Variants in CASP2 observed in about 807,000 individuals in gnomAD.
CASP2 encodes caspase-2.
CASP2 carries 38 observed loss-of-function variants against 54.4 expected under a neutral mutation model. The observed-to-expected ratio is 0.70, with a 90% CI of 0.54 to 0.92. The LOEUF (loss-of-function observed/expected upper bound fraction) is 0.92. Among genes scored for constraint, CASP2 ranks in the 40% least tolerant of loss-of-function variants. The pLI is 0.00. For missense variants in CASP2, 512 were observed against 579.6 expected (o/e 0.88, Z 1.20); for synonymous variants, 215 against 216.3 (o/e 0.99, Z 0.05).
At chr7:143,302,282 A>C (rs1192217400) in intron 8 of CASP2, 1 of 152,156 alleles carries the variant, frequency 6.6e-6, no homozygotes, top group African/African-American at 2.4e-5. Context: ...ATATCCAGGG[A>C]TTTAATACAC....
intron 8 of CASP2, chr7:143,302,303 G>A (rs1280498746): frequency 1.3e-5 from 2 of 152,146 alleles, no homozygotes; most frequent in Non-Finnish European, 2.9e-5. Flanking sequence ...TATTGGATCT[G>A]GATAAGGAGT....
intron 2 of CASP2, among the ~76,000 whole-genome samples, chr7:143,291,995 G>T (rs925848989): frequency 7.2e-5 from 11 of 151,996 alleles, no homozygotes; most frequent in African/African-American, 2.7e-4. Context: ...AGCCAGGAGG[G>T]TGTCGATCTC....
intron 1 of CASP2, 115 bp from the exon 2 acceptor site, chr7:143,291,425 A>G: frequency 9.8e-7 from 1 of 1,021,064 alleles, no homozygotes; most frequent in Admixed American, 1.7e-5. Flanking sequence ...AATATGCATA[A>G]TCTTGGTTAT....
chr7:143,294,823 C>T, intron 6 of CASP2, 50 bp downstream of exon 6: 1 of 1,495,952 alleles, frequency 6.7e-7, no homozygotes, highest in Non-Finnish European at 9.3e-7. Context: ...CTGAACAACA[C>T]TTTGGGACCA....
rs1802090233 is a variant in CASP2, at chr7:143,307,249, T to C, written c.*2178T>C. Reference sequence around the variant, plus strand: ...ATGAGGGCAGAAACCTTGTTTGTTTTATTCACCATCATGTACCAAGTGCTT... The same window carrying C: ...ATGAGGGCAGAAACCTTGTTTGTTTCATTCACCATCATGTACCAAGTGCTT... On this transcript the variant is annotated 3_prime_UTR_variant, in exon 11 of 11. Coordinates refer to ENST00000310447, the MANE Select transcript of CASP2 (RefSeq NM_032982.4). 1 of 152,254 alleles carries C rather than the reference T, an allele frequency of 6.6e-6. No individual in the cohort carries two copies. Among genetic ancestry groups the C allele is most frequent in the Admixed American group, 6.5e-5 (1 of 15,284 alleles). 9.4% of individuals were successfully genotyped at this position (152,254 alleles called of 1,614,324 possible).
chr7:143,303,116 A>G (rs947456691), intron 8 of CASP2: 7 of 152,202 alleles, frequency 4.6e-5, no homozygotes, highest in African/African-American at 1.7e-4. Flanking sequence ...AAAGAAAAAA[A>G]AAGATTTAAA....
chr7:143,295,006 A>G (rs976719746), intron 6 of CASP2, among the ~76,000 whole-genome samples: 2 of 151,822 alleles, frequency 1.3e-5, no homozygotes, highest in Admixed American at 1.3e-4. Context: ...TAAAGTAATA[A>G]TAGTCCACAG....
At chr7:143,303,639 T>TTTTA in intron 8 of CASP2, 145 bp from the exon 9 acceptor site, 1 of 622,840 alleles carries the variant, frequency 1.6e-6, no homozygotes, top group Non-Finnish European at 2.8e-6. Flanking sequence ...TTTTTTTTTT[T>TTTTA]AGTTTATCAG....
chr7:143,300,459 A>G, intron 8 of CASP2, 165 bp downstream of exon 8: 2 of 1,595,426 alleles, frequency 1.3e-6, no homozygotes, highest in Admixed American at 1.7e-5. Context: ...CTCCCAATGC[A>G]TGGGGTGTGC....
intron 8 of CASP2, chr7:143,303,566 G>T (rs900891815): frequency 2.1e-6 from 1 of 487,712 alleles, no homozygotes. Context: ...TGAGCGTGGT[G>T]CCCGGTGTGT....
intron 8 of CASP2, 125 bp from the exon 9 acceptor site, chr7:143,303,659 G>A: frequency 2.7e-6 from 2 of 753,752 alleles, no homozygotes; most frequent in Non-Finnish European, 4.6e-6. Flanking sequence ...GCCATAGGTT[G>A]GAGGCAACAG....
intron 6 of CASP2, among the ~76,000 whole-genome samples, chr7:143,295,243 G>T (rs1332705709): frequency 6.6e-6 from 1 of 152,150 alleles, no homozygotes; most frequent in African/African-American, 2.4e-5. Context: ...GGCCAGGCTG[G>T]TCTCAAACTC....
chr7:143,300,929 G>T lies in CASP2; in HGVS notation c.967+635G>T, dbSNP rs1801899372. ...GACGAGGATTAAAAGACACATAGGT[G>T]TGCTTCTCATCCTGGAGGAAAATAA... On this transcript the variant is annotated intron_variant, in intron 8 of 10. Transcript: ENST00000310447. 3.0e-6 allele frequency: 3 copies of T among 1,010,232 alleles called. No homozygotes were observed. In the South Asian group the frequency reaches 1.2e-4, roughly 40 times the overall value. The allele number at this position is 1,010,232 out of a possible 1,614,324, so 62.6% of individuals were successfully genotyped here.
At chr7:143,288,656 C>A in intron 1 of CASP2, 127 bp downstream of exon 1, 2 of 907,118 alleles carry the variant, frequency 2.2e-6, no homozygotes, top group South Asian at 1.6e-5. Flanking sequence ...GCGCTTCCTG[C>A]CAAGGGTGGG....
chr7:143,292,253 T>C (rs2116767273), intron 2 of CASP2, 47 bp from the exon 3 acceptor site: 1 of 1,591,200 alleles, frequency 6.3e-7, no homozygotes, highest in Non-Finnish European at 8.6e-7. Flanking sequence ...AATAGAATTA[T>C]AGCTAGAGAA....
chr7:143,294,122 C>G, intron 4 of CASP2, 108 bp from the exon 5 acceptor site: 2 of 756,636 alleles, frequency 2.6e-6, no homozygotes, highest in Non-Finnish European at 4.8e-6. Flanking sequence ...TGAGTGAGAC[C>G]AATATTTATC....
intron 1 of CASP2, 90 bp downstream of exon 1, chr7:143,288,619 T>C (rs973577488): frequency 3.0e-5 from 36 of 1,200,032 alleles, no homozygotes; most frequent in Admixed American, 4.4e-5. Flanking sequence ...CCCCCTCCCC[T>C]CGGAGCCCCG....
intron 6 of CASP2, among the ~76,000 whole-genome samples, chr7:143,296,588 G>A (rs1224175746): frequency 6.6e-6 from 1 of 152,152 alleles, no homozygotes; most frequent in Non-Finnish European, 1.5e-5. Flanking sequence ...GACAAGAAAT[G>A]TGTGTGTTAT....
At chr7:143,299,739 T>A (rs1157414776) in intron 6 of CASP2, among the ~76,000 whole-genome samples, 184 bp from the exon 7 acceptor site, 1 of 152,184 alleles carries the variant, frequency 6.6e-6, no homozygotes, top group African/African-American at 2.4e-5. Context: ...CTCATATGCA[T>A]TTTTCTGGTG....
Sources: allele counts gnomAD v4.1 joint callset (sites outside exome capture counted in the v4.1 genomes callset), GRCh38; gene constraint gnomAD v4.1.1; transcripts MANE v1.5; gene names NCBI Gene and HGNC (gene_info 2026-07-23, HGNC 2026-07-21).